Variants in WDR7 observed in about 807,000 individuals in gnomAD.
WDR7 encodes the protein WD repeat domain 7, also known as WD repeat-containing protein 7.
A neutral mutation model predicts 169.4 loss-of-function variants in WDR7; 46 were observed. The ratio of observed to expected loss-of-function variants is 0.27; its 90% CI spans 0.21 to 0.35. WDR7 has a LOEUF of 0.35. Among genes scored for constraint, WDR7 ranks in the 10% least tolerant of loss-of-function variants. The pLI is 1.00. For missense variants in WDR7, 1,534 were observed against 1,859.3 expected (o/e 0.83, Z 3.22); for synonymous variants, 612 against 666.8 (o/e 0.92, Z 1.27).
At chr18:56,953,967 A>G (rs2047216528) in intron 25 of WDR7, among the ~76,000 whole-genome samples, 1 of 152,226 alleles carries the variant, frequency 6.6e-6, no homozygotes, top group African/African-American at 2.4e-5. Flanking sequence ...TTTCATGGCA[A>G]AGAATGAAGA....
chr18:56,756,480 C>A, intron 14 of WDR7, 103 bp from the exon 15 acceptor site: 1 of 1,067,650 alleles, frequency 9.4e-7, no homozygotes, highest in Non-Finnish European at 1.3e-6. Flanking sequence ...AGAAGGACAG[C>A]TTAATAAGCA....
intron 23 of WDR7, chr18:56,936,181 C>A: frequency 2.8e-6 from 1 of 362,890 alleles, no homozygotes; most frequent in East Asian, 4.9e-5. Flanking sequence ...TGAATTACAG[C>A]AGGCATATGA....
intron 1 of WDR7, among the ~76,000 whole-genome samples, chr18:56,655,618 C>CAAAAAAAA (rs56899358): frequency 7.5e-6 from 1 of 133,972 alleles, no homozygotes. Flanking sequence ...GACCCTGTCT[C>CAAAAAAAA]AAAAAAAAAA....
intron 1 of WDR7, among the ~76,000 whole-genome samples, chr18:56,668,835 T>C (rs2025074428): frequency 6.6e-6 from 1 of 151,860 alleles, no homozygotes; most frequent in Non-Finnish European, 1.5e-5. Context: ...CCTTATTGAA[T>C]ATTAAGTACT....
At chr18:56,913,796 A>T (rs143411478) in intron 21 of WDR7, among the ~76,000 whole-genome samples, 1 of 123,592 alleles carries the variant, frequency 8.1e-6, no homozygotes, top group African/African-American at 2.9e-5. Flanking sequence ...CCCTGTTTCA[A>T]AAAAATAAAA....
At chr18:57,032,832 T>TAC (rs2048449733), downstream of WDR7, 13 of 100,780 alleles carry the variant, frequency 1.3e-4, 1 homozygote, top group South Asian at 4.0e-3. Flanking sequence ...TATATATATA[T>TAC]ATATATATAT....
At chr18:56,726,327 T>C (rs986426266) in intron 13 of WDR7, among the ~76,000 whole-genome samples, 1 of 152,322 alleles carries the variant, frequency 6.6e-6, no homozygotes, top group Non-Finnish European at 1.5e-5. Context: ...TTTGATTTCA[T>C]TGAGCAGTGG....
chr18:56,787,234 T>C (rs1044922713), intron 19 of WDR7, among the ~76,000 whole-genome samples: 1 of 152,142 alleles, frequency 6.6e-6, no homozygotes, highest in Admixed American at 6.5e-5. Flanking sequence ...GGTTCCTGAT[T>C]TCCTTTGGCC....
chr18:56,694,942 C>T lies in WDR7; in HGVS notation c.1109-8C>T, dbSNP rs2025664682. The T allele has an allele frequency of 6.2e-7, 1 of 1,607,746 alleles. No homozygotes were observed. The highest frequency in any genetic ancestry group is 8.5e-7 in the Non-Finnish European group (1 of 1,175,642). ...GTTTTTCTTTTATACAAAACCAAAC[C>T]TCTACAGGGCTGGCAATGACAACTT... On this transcript the variant is annotated splice_region_variant and splice_polypyrimidine_tract_variant and intron_variant, in intron 10 of 27. Transcript: ENST00000254442.
chr18:56,716,956 T>C (rs1410583132), intron 12 of WDR7, among the ~76,000 whole-genome samples: 1 of 152,204 alleles, frequency 6.6e-6, no homozygotes. Context: ...TATTGATCTT[T>C]AGTTTAAAAA....
chr18:56,674,794 T>C (rs138845357), intron 2 of WDR7, among the ~76,000 whole-genome samples: 1 of 152,336 alleles, frequency 6.6e-6, no homozygotes, highest in Admixed American at 6.5e-5. Context: ...AAGAATTTTA[T>C]ATACTAGTTT....
chr18:56,845,403 C>T (rs2045553373), intron 20 of WDR7, among the ~76,000 whole-genome samples: 1 of 151,750 alleles, frequency 6.6e-6, no homozygotes, highest in Non-Finnish European at 1.5e-5. Context: ...TTTTAAATAT[C>T]TTTTCCACAG....
intron 14 of WDR7, among the ~76,000 whole-genome samples, chr18:56,732,408 T>G (rs1014501839): frequency 1.3e-5 from 2 of 152,194 alleles, no homozygotes; most frequent in African/African-American, 4.8e-5. Flanking sequence ...TAGGCACAAA[T>G]ACTTTTAATT....
At position 56,782,308 on chromosome 18, in the gene WDR7, G is replaced by A. The variant is rs1311610458; in HGVS notation, c.3190+652G>A. ...ATACTCATTCCCAGTTCATCATTTGGTTGGTTTTGTATTTTTGTTTGGTTT... is the reference window on the plus strand; with the variant it reads ...ATACTCATTCCCAGTTCATCATTTGATTGGTTTTGTATTTTTGTTTGGTTT... On this transcript the variant is annotated intron_variant, in intron 19 of 27. Coordinates refer to ENST00000254442, the MANE Select transcript of WDR7 (RefSeq NM_015285.3). 3 of 152,066 alleles carry A rather than the reference G, an allele frequency of 2.0e-5. No individual in the cohort carries two copies. The South Asian group carries it at 6.2e-4, about 32-fold the overall frequency. The allele number at this position is 152,066 out of a possible 1,614,324, so 9.4% of individuals were successfully genotyped here.
chr18:56,976,709 C>G (rs2047570747), intron 26 of WDR7, among the ~76,000 whole-genome samples: 1 of 152,188 alleles, frequency 6.6e-6, no homozygotes, highest in African/African-American at 2.4e-5. Context: ...CAAATACACC[C>G]GTTAAGAAAA....
intron 20 of WDR7, among the ~76,000 whole-genome samples, chr18:56,862,384 CTT>C (rs113637433): frequency 5.9e-5 from 9 of 151,322 alleles, no homozygotes; most frequent in East Asian, 1.9e-4. Flanking sequence ...TAAACTCTCT[CTT>C]GTGTTTTTTA....
chr18:57,009,763 A>C lies in WDR7; in HGVS notation c.4165-10982A>C. The C allele has an allele frequency of 4.0e-6, 3 of 752,792 alleles. No homozygotes were observed. In the South Asian group the frequency reaches 1.8e-4, roughly 46 times the overall value. The allele number at this position is 752,792 out of a possible 1,614,324, so 46.6% of individuals were successfully genotyped here. ...TTTCAGAATGGTGAAAATGTTAAATACTTTTGAAACATAATTTCAAAAAAT... is the reference window on the plus strand; with the variant it reads ...TTTCAGAATGGTGAAAATGTTAAATCCTTTTGAAACATAATTTCAAAAAAT... On this transcript the variant is annotated intron_variant, in intron 26 of 27. Transcript: ENST00000254442.
At chr18:56,832,886 A>G (rs1166958867) in intron 20 of WDR7, among the ~76,000 whole-genome samples, 2 of 152,182 alleles carry the variant, frequency 1.3e-5, no homozygotes, top group African/African-American at 4.8e-5. Context: ...AGGAAAAACC[A>G]GCGCAAAAAG....
chr18:56,697,302 A>G (rs1024128398), intron 12 of WDR7, among the ~76,000 whole-genome samples: 5 of 152,212 alleles, frequency 3.3e-5, no homozygotes, highest in Admixed American at 1.3e-4. Flanking sequence ...ATCTCATTTC[A>G]AAATCTACAA....
Sources: allele counts gnomAD v4.1 joint callset (sites outside exome capture counted in the v4.1 genomes callset), GRCh38; gene constraint gnomAD v4.1.1; transcripts MANE v1.5; gene names NCBI Gene and HGNC (gene_info 2026-07-23, HGNC 2026-07-21).